MACROD2: variants seen among roughly 807,000 people sequenced by gnomAD.
MACROD2 encodes the protein ADP-ribose glycohydrolase MACROD2.
In MACROD2, 36 loss-of-function variants were observed where a neutral mutation model predicts 70.4. The observed-to-expected ratio is 0.51, with a 90% confidence interval of 0.39 to 0.68. The LOEUF (loss-of-function observed/expected upper bound fraction) is 0.68. Among genes scored for constraint, MACROD2 ranks in the 30% least tolerant of loss-of-function variants. The probability of loss-of-function intolerance (pLI) is 0.00; values close to 1 mark genes in which losing one functional copy is unlikely to be tolerated. For synonymous variants in MACROD2, 172 were observed against 178.8 expected, an observed-to-expected ratio of 0.96 and a Z score of 0.30; for missense variants, 496 against 538.4, an observed-to-expected ratio of 0.92 and a Z score of 0.78.
intron 8 of MACROD2, among the ~76,000 whole-genome samples, chr20:15,718,947 C>T (rs2050745448): frequency 6.6e-6 from 1 of 152,136 alleles, no homozygotes; most frequent in Admixed American, 6.5e-5. Context: ...GCACTCTGCA[C>T]ATTAAAGGTT....
rs7348309 is a variant in MACROD2, at chr20:15,154,989, A to G, written c.419-74951A>G. 2.4e-3 allele frequency among the ~76,000 whole-genome samples: 372 copies of G among 152,308 alleles called. 1 individual carries two copies. Among genetic ancestry groups the G allele is most frequent in the African/African-American group, 8.6e-3 (358 of 41,576 alleles). ...TCCCTAGGTTCTTATTATGGCTGAA[A>G]TCTAGGCTGAATGGGTTAAAAGTTT... On this transcript the variant is annotated intron_variant, in intron 5 of 17. Coordinates refer to ENST00000684519, the MANE Select transcript of MACROD2 (RefSeq NM_001351661.2).
intron 3 of MACROD2, among the ~76,000 whole-genome samples, chr20:14,425,002 TG>T (rs1225707879): frequency 6.6e-6 from 1 of 152,268 alleles, no homozygotes; most frequent in African/African-American, 2.4e-5. Flanking sequence ...ACCTTGTTTC[TG>T]TTCGGGTTCC....
At chr20:14,846,435 G>A (rs535158745) in intron 5 of MACROD2, among the ~76,000 whole-genome samples, 26 of 151,490 alleles carry the variant, frequency 1.7e-4, no homozygotes, top group South Asian at 1.0e-3. Flanking sequence ...ATGTTGGTCA[G>A]GCTGGAAGTT....
At chr20:15,142,714 G>A (rs905439027) in intron 5 of MACROD2, among the ~76,000 whole-genome samples, 5 of 143,402 alleles carry the variant, frequency 3.5e-5, no homozygotes, top group South Asian at 2.3e-4. Flanking sequence ...CCCTGTGCCC[G>A]AGTGTTCTCA....
At chr20:14,517,328 C>T (rs1302309945) in intron 4 of MACROD2, among the ~76,000 whole-genome samples, 2 of 152,212 alleles carry the variant, frequency 1.3e-5, no homozygotes, top group Admixed American at 1.3e-4. Context: ...GAAAATGTGG[C>T]ACATATACAC....
At chr20:14,940,677 TTAA>T (rs1216236601) in intron 5 of MACROD2, among the ~76,000 whole-genome samples, 4 of 152,162 alleles carry the variant, frequency 2.6e-5, no homozygotes, top group Non-Finnish European at 5.9e-5. Context: ...CTTGGTGCTG[TTAA>T]TGTGATATAT....
chr20:15,247,009 T>G (rs1255139051), intron 6 of MACROD2, among the ~76,000 whole-genome samples: 2 of 152,074 alleles, frequency 1.3e-5, no homozygotes, highest in Non-Finnish European at 2.9e-5. Context: ...GAGAGTAGAT[T>G]AACGGTTGTC....
Position 14,409,424 on chromosome 20 carries a change from G to A in MACROD2, c.272-84055G>A, listed in dbSNP as rs967274385. Among the ~76,000 whole-genome samples, 4 of 136,058 alleles carry A rather than the reference G, an allele frequency of 2.9e-5. No homozygotes were observed. The South Asian group carries it at 6.7e-4, about 23-fold the overall frequency. The allele number at this position is 136,058 out of a possible 152,430, so 89.3% of individuals were successfully genotyped here. A position where few individuals can be genotyped will look rare whatever the true frequency, so the allele number is the denominator to read the frequency against. The stretch of plus-strand genomic sequence containing the variant: ...CCTCTCATGAAACCCTATGTTATTG[G>A]TATTTTATTATTATTATTATTATTC... On this transcript the variant is annotated intron_variant, in intron 3 of 17. Coordinates refer to ENST00000684519, the MANE Select transcript of MACROD2 (RefSeq NM_001351661.2).
intron 4 of MACROD2, among the ~76,000 whole-genome samples, chr20:14,598,283 G>A (rs1019936903): frequency 6.6e-6 from 1 of 152,030 alleles, no homozygotes; most frequent in Non-Finnish European, 1.5e-5. Flanking sequence ...TAAAACAAAA[G>A]TTTTATCTTC....
chr20:14,333,858 CA>C (rs2082887432), intron 3 of MACROD2, among the ~76,000 whole-genome samples: 1 of 152,206 alleles, frequency 6.6e-6, no homozygotes, highest in Non-Finnish European at 1.5e-5. Context: ...GATCAATCCA[CA>C]GTCCAGTGGC....
At chr20:15,793,233 C>G (rs2063641982) in intron 8 of MACROD2, among the ~76,000 whole-genome samples, 1 of 152,102 alleles carries the variant, frequency 6.6e-6, no homozygotes, top group Non-Finnish European at 1.5e-5. Context: ...TTTCAGTGTG[C>G]ATCACAATCA....
chr20:14,806,213 T>C (rs1191707925), intron 5 of MACROD2, among the ~76,000 whole-genome samples: 1 of 151,992 alleles, frequency 6.6e-6, no homozygotes, highest in Non-Finnish European at 1.5e-5. Flanking sequence ...GTGAGACCAA[T>C]GTAGAAGGCA....
chr20:14,067,340 C>T (rs759539812), intron 2 of MACROD2, among the ~76,000 whole-genome samples: 24 of 152,004 alleles, frequency 1.6e-4, no homozygotes, highest in Non-Finnish European at 2.5e-4. Flanking sequence ...CCAGGATGGT[C>T]TTGATCTCTT....
intron 8 of MACROD2, among the ~76,000 whole-genome samples, chr20:15,705,693 C>T (rs1332002380): frequency 6.6e-6 from 1 of 152,136 alleles, no homozygotes; most frequent in Non-Finnish European, 1.5e-5. Flanking sequence ...CAGGCACGAG[C>T]CATGGCACCC....
At chr20:14,285,268 A>T (rs1246250931) in intron 3 of MACROD2, among the ~76,000 whole-genome samples, 1 of 152,218 alleles carries the variant, frequency 6.6e-6, no homozygotes, top group Non-Finnish European at 1.5e-5. Context: ...TATTTTATAC[A>T]TACTTTGTAA....
At chr20:15,988,331 A>G (rs551572830) in intron 15 of MACROD2, among the ~76,000 whole-genome samples, 69 of 152,290 alleles carry the variant, frequency 4.5e-4, no homozygotes, top group African/African-American at 1.6e-3. Flanking sequence ...AATCAGATAT[A>G]TGGTATTGCT....
rs562515139 is a variant in MACROD2, at chr20:14,183,938, C to T, written c.271+98210C>T. On this transcript the variant is annotated intron_variant, in intron 3 of 17. Transcript: ENST00000684519. The stretch of plus-strand genomic sequence containing the variant: ...TTCCTTAGAGATGCTGGATATTAGA[C>T]CTTTGTCAGATGCATAGTTTGCAAA... 1.2e-4 allele frequency among the ~76,000 whole-genome samples: 18 copies of T among 152,204 alleles called. No individual in the cohort carries two copies. In the South Asian group the frequency reaches 3.5e-3, roughly 30 times the overall value.
intron 5 of MACROD2, among the ~76,000 whole-genome samples, chr20:15,126,946 C>T (rs1341048924): frequency 6.6e-6 from 1 of 152,078 alleles, no homozygotes; most frequent in Non-Finnish European, 1.5e-5. Context: ...TTTTGAATTA[C>T]AGCACATGTT....
chr20:15,408,547 A>G (rs2146320472), intron 6 of MACROD2, among the ~76,000 whole-genome samples: 1 of 152,360 alleles, frequency 6.6e-6, no homozygotes, highest in South Asian at 2.1e-4. Flanking sequence ...AAAGTGTGTG[A>G]AGATTCCAGA....
Sources: gnomAD v4.1 joint callset for allele counts (sites outside exome capture counted in the v4.1 genomes callset) on GRCh38, gnomAD v4.1.1 for gene constraint, MANE v1.5 for transcripts, NCBI Gene and HGNC (gene_info 2026-07-23, HGNC 2026-07-21) for gene names.